The following ITGA2 variants were observed in gnomAD, a reference collection of about 807,000 sequenced individuals.
The protein encoded by ITGA2 is integrin alpha-2.
ITGA2 carries 101 observed loss-of-function variants against 146.3 expected under a neutral mutation model. The observed-to-expected ratio is 0.69, with a 90% confidence interval of 0.59 to 0.81. The LOEUF is 0.81. ITGA2 is among the 40% of genes least tolerant of loss of function. The pLI is 0.00. For synonymous variants in ITGA2, 477 were observed against 487.1 expected (o/e 0.98, Z 0.27); for missense variants, 1,281 against 1,402.7 (o/e 0.91, Z 1.39).
chr5:53,003,379 G>A (rs780462772), intron 1 of ITGA2, among the ~76,000 whole-genome samples: 1 of 152,120 alleles, frequency 6.6e-6, no homozygotes, highest in South Asian at 2.1e-4. Context: ...TTAGTGATAT[G>A]AAACCACAAC....
At chr5:53,017,748 C>G (rs1742464239) in intron 1 of ITGA2, among the ~76,000 whole-genome samples, 1 of 152,122 alleles carries the variant, frequency 6.6e-6, no homozygotes, top group African/African-American at 2.4e-5. Flanking sequence ...AGCAGGCTGC[C>G]CACACATCAG....
intron 27 of ITGA2, among the ~76,000 whole-genome samples, chr5:53,086,030 G>C (rs139184769): frequency 6.6e-6 from 1 of 151,840 alleles, no homozygotes; most frequent in Non-Finnish European, 1.5e-5. Flanking sequence ...TGCCTCAGCC[G>C]AGTCGCTGGG....
intron 23 of ITGA2, among the ~76,000 whole-genome samples, chr5:53,078,236 A>G (rs968936896): frequency 1.3e-5 from 2 of 152,144 alleles, no homozygotes; most frequent in Non-Finnish European, 2.9e-5. Context: ...GACCAACCTC[A>G]TTCAGACCCA....
chr5:53,037,611 G>A (rs1457616725), intron 2 of ITGA2, among the ~76,000 whole-genome samples: 2 of 152,278 alleles, frequency 1.3e-5, no homozygotes, highest in Middle Eastern at 3.4e-3. Flanking sequence ...TTATGAGGGT[G>A]AGTTGTCAGG....
Position 53,008,248 on chromosome 5 carries a change from C to T in ITGA2, c.65-18500C>T, listed in dbSNP as rs114996293. Among the ~76,000 whole-genome samples the T allele has an allele frequency of 3.1e-3, 465 of 151,036 alleles. 4 individuals are homozygous for T. The highest frequency in any genetic ancestry group is 0.01 in the African/African-American group (412 of 41,070). ...GGCTTATAGATGGGCACTTTCTCACCATGTCCTCACATCACCTTTCCCTAT... is the reference window on the plus strand; with the variant it reads ...GGCTTATAGATGGGCACTTTCTCACTATGTCCTCACATCACCTTTCCCTAT... On this transcript the variant is annotated intron_variant, in intron 1 of 29. Coordinates refer to ENST00000296585, the MANE Select transcript of ITGA2 (RefSeq NM_002203.4).
Position 52,995,515 on chromosome 5 carries a change from A to G in ITGA2, c.64+5983A>G, listed in dbSNP as rs189608120. Among the ~76,000 whole-genome samples the G allele has an allele frequency of 1.2e-3, 178 of 152,226 alleles. 2 individuals are homozygous for G. In the South Asian group the frequency reaches 0.027, roughly 23 times the overall value. ...ACTATGGAGGTGGAGAGAGAGGGAG[A>G]AGATAAGGCTGATGCTTAGGTTTCT... On this transcript the variant is annotated intron_variant, in intron 1 of 29. Transcript: ENST00000296585.
intron 1 of ITGA2, among the ~76,000 whole-genome samples, chr5:52,992,641 C>A (rs145281276): frequency 1.1e-3 from 167 of 152,296 alleles, no homozygotes; most frequent in African/African-American, 3.9e-3. Context: ...CCCAGTCAGT[C>A]CCTCATCTTA....
intron 1 of ITGA2, among the ~76,000 whole-genome samples, chr5:53,014,511 T>C (rs1742308122): frequency 1.3e-5 from 2 of 152,156 alleles, no homozygotes; most frequent in Admixed American, 1.3e-4. Context: ...TGGTACTTTA[T>C]TGAGGAATTT....
At position 53,060,023 on chromosome 5, in the gene ITGA2, G is replaced by GTAA. The variant is rs749665403; in HGVS notation, c.1312+16_1312+18dup. 1.4e-5 allele frequency: 22 copies of GTAA among 1,611,682 alleles called. No homozygotes were observed. Among genetic ancestry groups the GTAA allele is most frequent in the Non-Finnish European group, 1.8e-5 (21 of 1,178,584 alleles). ...ACAGTTCATATTTAGGTAAGGCATG[G>GTAA]TAATAATTGGCTCAGCAAACTTAAG... On this transcript the variant is annotated intron_variant, in intron 11 of 29. Transcript: ENST00000296585.
intron 1 of ITGA2, among the ~76,000 whole-genome samples, chr5:53,007,324 T>G (rs1010367614): frequency 2.0e-5 from 3 of 152,012 alleles, no homozygotes; most frequent in Non-Finnish European, 2.9e-5. Context: ...TAACCAAAAT[T>G]TATAGAGAAG....
At chr5:53,058,549 G>A (rs1231345109) in intron 10 of ITGA2, among the ~76,000 whole-genome samples, 4 of 151,806 alleles carry the variant, frequency 2.6e-5, no homozygotes, top group Non-Finnish European at 4.4e-5. Flanking sequence ...TAGGAAAAAC[G>A]TGAGGTGGAA....
intron 1 of ITGA2, among the ~76,000 whole-genome samples, chr5:52,999,898 A>G (rs1741480357): frequency 6.6e-6 from 1 of 152,212 alleles, no homozygotes; most frequent in Non-Finnish European, 1.5e-5. Flanking sequence ...TCAGATAAAA[A>G]AATAAAAATA....
At chr5:53,076,491 G>A (rs1490680833) in intron 23 of ITGA2, among the ~76,000 whole-genome samples, 2 of 151,956 alleles carry the variant, frequency 1.3e-5, no homozygotes, top group African/African-American at 4.8e-5. Context: ...ATACATCTCT[G>A]AAAAAGTCAT....
At chr5:53,025,464 T>C (rs921761304) in intron 1 of ITGA2, among the ~76,000 whole-genome samples, 1 of 152,196 alleles carries the variant, frequency 6.6e-6, no homozygotes, top group Non-Finnish European at 1.5e-5. Flanking sequence ...CTGAATTCCT[T>C]GTGTGGACAA....
At chr5:53,047,469 G>A (rs1261663157) in intron 4 of ITGA2, among the ~76,000 whole-genome samples, 2 of 152,214 alleles carry the variant, frequency 1.3e-5, no homozygotes, top group Admixed American at 6.5e-5. Flanking sequence ...CAGGTATAAT[G>A]TGAGCAAGAA....
chr5:53,056,640 A>G (rs1744647912), intron 9 of ITGA2, among the ~76,000 whole-genome samples: 1 of 152,034 alleles, frequency 6.6e-6, no homozygotes, highest in African/African-American at 2.4e-5. Context: ...GTAAGCATAT[A>G]TATTTTTAAA....
chr5:53,026,551 T>C (rs1742956097), intron 1 of ITGA2, among the ~76,000 whole-genome samples, 197 bp from the exon 2 acceptor site: 1 of 152,332 alleles, frequency 6.6e-6, no homozygotes, highest in Non-Finnish European at 1.5e-5. Context: ...TAATGAATTA[T>C]GCATATATAG....
At chr5:53,040,958 G>T (rs1743765649) in intron 2 of ITGA2, among the ~76,000 whole-genome samples, 1 of 151,910 alleles carries the variant, frequency 6.6e-6, no homozygotes, top group African/African-American at 2.4e-5. Flanking sequence ...CATATATCTA[G>T]TTTTACTAGA....
At chr5:53,079,137 C>A (rs1328940994) in intron 24 of ITGA2, among the ~76,000 whole-genome samples, 4 of 152,036 alleles carry the variant, frequency 2.6e-5, no homozygotes, top group Admixed American at 2.6e-4. Flanking sequence ...TGCTGCTGGT[C>A]CAGGTGCCAT....
Sources: allele counts gnomAD v4.1 joint callset (sites outside exome capture counted in the v4.1 genomes callset), GRCh38; gene constraint gnomAD v4.1.1; transcripts MANE v1.5; gene names NCBI Gene and HGNC (gene_info 2026-07-23, HGNC 2026-07-21).